The following CNTNAP4 variants were observed in gnomAD, a reference collection of about 807,000 sequenced individuals.
CNTNAP4 encodes the protein contactin associated protein family member 4.
A neutral mutation model predicts 148.4 loss-of-function variants in CNTNAP4; 98 were observed. The ratio of observed to expected loss-of-function variants is 0.66; its 90% CI spans 0.56 to 0.78. The LOEUF is 0.78. Ranked by LOEUF, CNTNAP4 falls within the 30% of genes least tolerant of loss-of-function variation. The pLI is 0.00. For synonymous variants in CNTNAP4, 730 were observed against 565.1 expected (o/e 1.29, Z -4.14); for missense variants, 1,935 against 1,565.6 (o/e 1.24, Z -3.98).
At chr16:76,289,704 G>A (rs1337763872) in intron 1 of CNTNAP4, among the ~76,000 whole-genome samples, 3 of 151,874 alleles carry the variant, frequency 2.0e-5, no homozygotes, top group Admixed American at 6.6e-5. Context: ...CTCCCATGTA[G>A]TGACTACAGG....
intron 15 of CNTNAP4, among the ~76,000 whole-genome samples, chr16:76,502,818 A>G (rs1183371676): frequency 6.6e-6 from 1 of 152,104 alleles, no homozygotes; most frequent in East Asian, 1.9e-4. Flanking sequence ...TTAACAGAAA[A>G]AAAAGTGAGA....
At chr16:76,394,472 A>G (rs957598258) in intron 3 of CNTNAP4, among the ~76,000 whole-genome samples, 3 of 152,230 alleles carry the variant, frequency 2.0e-5, no homozygotes, top group African/African-American at 4.8e-5. Context: ...AAATGATTTA[A>G]TAGATGGGAA....
chr16:76,427,086 C>A (rs1408053555), intron 3 of CNTNAP4, among the ~76,000 whole-genome samples: 2 of 152,116 alleles, frequency 1.3e-5, no homozygotes, highest in Admixed American at 1.3e-4. Context: ...TGTTTTTCAA[C>A]CCTTGGAGAA....
At chr16:76,305,115 T>A (rs1233828815) in intron 1 of CNTNAP4, among the ~76,000 whole-genome samples, 1 of 152,250 alleles carries the variant, frequency 6.6e-6, no homozygotes, top group African/African-American at 2.4e-5. Flanking sequence ...CTGGGATATA[T>A]GTAAATTGCA....
chr16:76,528,614 A>G (rs774073617), intron 17 of CNTNAP4, among the ~76,000 whole-genome samples: 26 of 152,146 alleles, frequency 1.7e-4, no homozygotes, highest in Non-Finnish European at 3.2e-4. Flanking sequence ...TTGCAATGAG[A>G]CCACGTGAAA....
intron 3 of CNTNAP4, among the ~76,000 whole-genome samples, chr16:76,413,322 T>C (rs2078863284): frequency 6.6e-6 from 1 of 151,360 alleles, no homozygotes; most frequent in Non-Finnish European, 1.5e-5. Context: ...ACTTTTTTGA[T>C]TTTTAGATTT....
At position 76,538,290 on chromosome 16, in the gene CNTNAP4, T is replaced by G. The variant is rs2084303875; in HGVS notation, c.3170T>G (p.Phe1057Cys). The G allele has an allele frequency of 6.2e-7, 1 of 1,607,862 alleles. No homozygotes were observed. Among genetic ancestry groups the G allele is most frequent in the African/African-American group, 1.3e-5 (1 of 74,544 alleles). ...ACACGAACACCAAGCTTGCTGCTTT[T>G]TGTGAGCTCCTTTTACAAAGAATAC... is the stretch of plus-strand genomic sequence containing the variant. The part of the protein sequence containing the change: ...RTTRTPSLLL[F>C]VSSFYKEYLS... The change falls in exon 19 of 24, where the codon TTT becomes TGT. Residue 1057 changes from phenylalanine (F) to cysteine (C), a missense_variant. Transcript: ENST00000611870.
chr16:76,445,604 C>T (rs2080209339), intron 4 of CNTNAP4, among the ~76,000 whole-genome samples: 1 of 151,892 alleles, frequency 6.6e-6, no homozygotes, highest in South Asian at 2.1e-4. Context: ...TGCCATTTTG[C>T]TGATTGAAAT....
chr16:76,290,499 C>G (rs1010137723), intron 1 of CNTNAP4, among the ~76,000 whole-genome samples: 1 of 152,154 alleles, frequency 6.6e-6, no homozygotes, highest in African/African-American at 2.4e-5. Flanking sequence ...ATGTAGATAA[C>G]TAACGTTTTC....
intron 2 of CNTNAP4, among the ~76,000 whole-genome samples, chr16:76,347,711 A>T (rs1965025168): frequency 6.6e-6 from 1 of 152,148 alleles, no homozygotes; most frequent in African/African-American, 2.4e-5. Context: ...CAGAAACAAG[A>T]GCTTAATACA....
intron 15 of CNTNAP4, among the ~76,000 whole-genome samples, chr16:76,502,435 G>A (rs911730826): frequency 5.3e-5 from 8 of 151,254 alleles, no homozygotes; most frequent in African/African-American, 1.9e-4. Context: ...AACAGATAGA[G>A]GATCATGCAC....
At chr16:76,438,555 A>G (rs1423231929) in intron 4 of CNTNAP4, among the ~76,000 whole-genome samples, 3 of 152,084 alleles carry the variant, frequency 2.0e-5, no homozygotes, top group Non-Finnish European at 2.9e-5. Context: ...GCTAAGGACA[A>G]AACCAAAATA....
At chr16:76,350,324 C>T (rs1483131674) in intron 2 of CNTNAP4, among the ~76,000 whole-genome samples, 2 of 152,048 alleles carry the variant, frequency 1.3e-5, no homozygotes, top group Non-Finnish European at 2.9e-5. Context: ...ATTTACTTAG[C>T]CTCTGTAAAT....
At chr16:76,427,752 A>T (rs541495594) in intron 4 of CNTNAP4, among the ~76,000 whole-genome samples, 153 bp downstream of exon 4, 2 of 152,350 alleles carry the variant, frequency 1.3e-5, no homozygotes, top group East Asian at 1.9e-4. Context: ...ATGCCTGTAC[A>T]TGCCAATATT....
rs565535241 is a variant in CNTNAP4 at position 76,366,611 on chromosome 16, T to C, written c.390+11100T>C. Among the ~76,000 whole-genome samples, 64 of 152,278 alleles carry C rather than the reference T, an allele frequency of 4.2e-4. 1 individual carries two copies. In the South Asian group the frequency reaches 0.011, roughly 27 times the overall value. ...AGTAAACATTTGCGTGCATGTGTCTTTGTGGTAGAATGATTTCTACTATTC... is the reference window on the plus strand; with the variant it reads ...AGTAAACATTTGCGTGCATGTGTCTCTGTGGTAGAATGATTTCTACTATTC... On this transcript the variant is annotated intron_variant, in intron 3 of 23. Coordinates refer to ENST00000611870, the MANE Select transcript of CNTNAP4 (RefSeq NM_033401.5).
chr16:76,451,344 GATA>G (rs1477007583), intron 7 of CNTNAP4, among the ~76,000 whole-genome samples: 3 of 152,110 alleles, frequency 2.0e-5, no homozygotes, highest in Non-Finnish European at 2.9e-5. Context: ...TTACCAGTTT[GATA>G]ATAAAATACA....
Position 76,558,792 on chromosome 16 carries a change from A to G in CNTNAP4, c.*109A>G. ...CTGAATGTACAGGCAGTGGGCTTGC[A>G]GCACTGCCATCTTGCCATGTACAGG... On this transcript the variant is annotated 3_prime_UTR_variant, in exon 24 of 24. Coordinates refer to ENST00000611870, the MANE Select transcript of CNTNAP4 (RefSeq NM_033401.5). 1.3e-6 allele frequency: 1 copy of G among 786,090 alleles called. No homozygotes were observed. Among genetic ancestry groups the G allele is most frequent in the Non-Finnish European group, 2.0e-6 (1 of 507,206 alleles). 48.7% of individuals were successfully genotyped at this position (786,090 alleles called of 1,614,324 possible).
At chr16:76,342,716 C>T (rs1258559160) in intron 2 of CNTNAP4, among the ~76,000 whole-genome samples, 1 of 151,936 alleles carries the variant, frequency 6.6e-6, no homozygotes, top group Non-Finnish European at 1.5e-5. Context: ...TCGTGATCTG[C>T]CCACCTCGGC....
intron 3 of CNTNAP4, among the ~76,000 whole-genome samples, chr16:76,402,359 GT>G (rs140135166): frequency 0.041 from 6,245 of 151,552 alleles, 445 homozygotes; most frequent in African/African-American, 0.14. Context: ...CTGATGTTTG[GT>G]GTTTTTTTTT....
Sources: gnomAD v4.1 joint callset for allele counts (sites outside exome capture counted in the v4.1 genomes callset) on GRCh38, gnomAD v4.1.1 for gene constraint, MANE v1.5 for transcripts, NCBI Gene and HGNC (gene_info 2026-07-23, HGNC 2026-07-21) for gene names.